The following LPA variants were observed in gnomAD, a reference collection of about 807,000 sequenced individuals.
LPA encodes the protein apolipoprotein(a).
In LPA, 199 loss-of-function variants were observed where a neutral mutation model predicts 197.9. The ratio of observed to expected loss-of-function variants is 1.01; its 90% CI spans 0.90 to 1.13. The LOEUF (loss-of-function observed/expected upper bound fraction) is 1.13, where lower values mean the gene tolerates loss of function less well. Among genes scored for constraint, LPA ranks in the 50% most tolerant of loss-of-function variants. The probability of loss-of-function intolerance (pLI) is 0.00; values close to 1 mark genes in which losing one functional copy is unlikely to be tolerated. For missense variants in LPA, 1,853 were observed against 1,785.8 expected (o/e 1.04, Z -0.68); for synonymous variants, 715 against 639.5 (o/e 1.12, Z -1.78).
intron 33 of LPA, among the ~76,000 whole-genome samples, chr6:160,544,089 A>G (rs546780249): frequency 6.6e-6 from 1 of 152,186 alleles, no homozygotes; most frequent in Non-Finnish European, 1.5e-5. Context: ...GTGGGTGAGG[A>G]CAGCAGAATT....
chr6:160,611,105 T>A (rs1296383473), intron 16 of LPA, among the ~76,000 whole-genome samples: 1 of 152,124 alleles, frequency 6.6e-6, no homozygotes, highest in African/African-American at 2.4e-5. Flanking sequence ...CCTATTGGAA[T>A]ACAGGTAGAA....
chr6:160,607,881 C>G (rs1245416714), intron 16 of LPA, among the ~76,000 whole-genome samples: 1 of 152,108 alleles, frequency 6.6e-6, no homozygotes, highest in Non-Finnish European at 1.5e-5. Flanking sequence ...GAGTTCAAAA[C>G]TTTGTGATTG....
intron 19 of LPA, 135 bp downstream of exon 19, chr6:160,600,782 G>T (rs1196804068): frequency 1.0e-5 from 10 of 1,003,466 alleles, no homozygotes; most frequent in African/African-American, 1.6e-5. Flanking sequence ...GTGCGCTAAG[G>T]CTTCCTCCCA....
chr6:160,564,786 C>A (rs1485586774), intron 28 of LPA, among the ~76,000 whole-genome samples: 1 of 152,022 alleles, frequency 6.6e-6, no homozygotes, highest in Admixed American at 6.6e-5. Flanking sequence ...AAAATCGGGA[C>A]ACTCCCACCC....
chr6:160,588,710 C>T (rs564621446), intron 24 of LPA, among the ~76,000 whole-genome samples: 10 of 152,254 alleles, frequency 6.6e-5, no homozygotes, highest in African/African-American at 2.4e-4. Flanking sequence ...CCTGAGGCAT[C>T]GCAGACTCCA....
intron 1 of LPA, 32 bp downstream of exon 1, chr6:160,664,134 A>T (rs1420835366): frequency 6.4e-7 from 1 of 1,572,628 alleles, no homozygotes; most frequent in African/African-American, 1.4e-5. Flanking sequence ...GAGAAAAAAT[A>T]ATTCTTATAA....
intron 20 of LPA, among the ~76,000 whole-genome samples, 168 bp downstream of exon 20, chr6:160,599,332 G>A (rs1181379531): frequency 1.3e-5 from 2 of 152,118 alleles, no homozygotes; most frequent in East Asian, 3.9e-4. Context: ...AACAAAGCAA[G>A]ACTCTGTCTC....
chr6:160,599,305 T>A (rs1204961404), intron 20 of LPA, among the ~76,000 whole-genome samples, 195 bp downstream of exon 20: 1 of 152,178 alleles, frequency 6.6e-6, no homozygotes, highest in Non-Finnish European at 1.5e-5. Context: ...ATCATGCCAC[T>A]GCACTCCAGC....
chr6:160,655,457 C>T (rs1780116411), intron 1 of LPA, among the ~76,000 whole-genome samples: 1 of 152,190 alleles, frequency 6.6e-6, no homozygotes, highest in Non-Finnish European at 1.5e-5. Context: ...TTCTTTTGTT[C>T]TAGACTGCAC....
chr6:160,538,670 A>G, intron 36 of LPA, among the ~76,000 whole-genome samples: 1 of 152,192 alleles, frequency 6.6e-6, no homozygotes, highest in East Asian at 1.9e-4. Flanking sequence ...AATCATCATT[A>G]GCACCAACTT....
chr6:160,541,800 A>G (rs1368695556), intron 34 of LPA, among the ~76,000 whole-genome samples: 1 of 152,236 alleles, frequency 6.6e-6, no homozygotes, highest in Non-Finnish European at 1.5e-5. Flanking sequence ...CAGTGAGGAC[A>G]TAGACCACCA....
chr6:160,599,681 T>C (rs1221026228), intron 19 of LPA, 22 bp from the exon 20 acceptor site: 12 of 1,613,504 alleles, frequency 7.4e-6, no homozygotes, highest in Admixed American at 1.7e-5. Flanking sequence ...ACAGAAGACA[T>C]CAAGCTTATT....
intron 28 of LPA, among the ~76,000 whole-genome samples, chr6:160,562,279 G>A (rs976314685): frequency 2.6e-5 from 4 of 151,314 alleles, no homozygotes; most frequent in African/African-American, 9.7e-5. Flanking sequence ...TAGCATGATT[G>A]GGTATTGAAT....
At chr6:160,649,040 TGAG>T (rs905732086) in intron 2 of LPA, among the ~76,000 whole-genome samples, 2 of 152,220 alleles carry the variant, frequency 1.3e-5, no homozygotes, top group Non-Finnish European at 1.5e-5. Context: ...TAAAGATGGT[TGAG>T]TTTTCCTCTC....
At position 160,578,644 on chromosome 6, in the gene LPA, G is replaced by A. The variant is rs748174932; in HGVS notation, c.4350C>T (p.Thr1450=). The change falls in exon 27 of 39, where the codon ACC becomes ACT. Residue 1450 remains threonine, a synonymous_variant. Coordinates refer to ENST00000316300, the MANE Select transcript of LPA (RefSeq NM_005577.4). ...ACTCCCACCTGACACTGGGATCCATGGTGTAACACCAAGGGCGAATCTCAG... is the reference window on the plus strand; with the variant it reads ...ACTCCCACCTGACACTGGGATCCATAGTGTAACACCAAGGGCGAATCTCAG... ...PDAEIRPWCY[T]MDPSVRWEYC... is the part of the protein sequence containing the mutation. The A allele has an allele frequency of 1.2e-6, 2 of 1,613,956 alleles. No individual in the cohort carries two copies. Among genetic ancestry groups the A allele is most frequent in the Non-Finnish European group, 1.7e-6 (2 of 1,179,910 alleles).
At chr6:160,606,455 T>G in intron 17 of LPA, 22 bp downstream of exon 17, 1 of 1,612,934 alleles carries the variant, frequency 6.2e-7, no homozygotes, top group Non-Finnish European at 8.5e-7. Flanking sequence ...AACGTGTAGG[T>G]TTCTGGCCAC....
intron 23 of LPA, 90 bp downstream of exon 23, chr6:160,590,854 C>A (rs964939487): frequency 2.6e-6 from 4 of 1,536,282 alleles, no homozygotes; most frequent in South Asian, 2.3e-5. Context: ...GATTCCCGTG[C>A]AGCATGGAAG....
intron 24 of LPA, 150 bp from the exon 25 acceptor site, chr6:160,586,780 C>G (rs1778920535): frequency 9.7e-7 from 1 of 1,030,600 alleles, no homozygotes; most frequent in African/African-American, 1.6e-5. Flanking sequence ...TGGTCCTCAA[C>G]TTCTAAACAA....
intron 1 of LPA, among the ~76,000 whole-genome samples, chr6:160,659,077 C>G (rs916949881): frequency 6.6e-6 from 1 of 152,156 alleles, no homozygotes; most frequent in South Asian, 2.1e-4. Context: ...CCAAGTCCCA[C>G]AGCTGAAGAA....
Sources: allele counts gnomAD v4.1 joint callset (sites outside exome capture counted in the v4.1 genomes callset), GRCh38; gene constraint gnomAD v4.1.1; transcripts MANE v1.5; gene names NCBI Gene and HGNC (gene_info 2026-07-23, HGNC 2026-07-21).